PHACTR2: variants seen among roughly 807,000 people sequenced by gnomAD.
The protein encoded by PHACTR2 is chromosome 6 open reading frame 56.
In PHACTR2, 30 loss-of-function variants were observed where a neutral mutation model predicts 76.0. The observed-to-expected ratio is 0.39, with a 90% CI of 0.30 to 0.54. The LOEUF is 0.54. PHACTR2 is among the 20% of genes least tolerant of loss of function. PHACTR2 has a pLI of 0.61. For missense variants in PHACTR2, 696 were observed against 781.1 expected, an observed-to-expected ratio of 0.89 and a Z score of 1.30; for synonymous variants, 292 against 292.5, an observed-to-expected ratio of 1.00 and a Z score of 0.02.
chr6:143,603,446 A>G (rs1775835784), upstream of PHACTR2, among the ~76,000 whole-genome samples: 1 of 151,782 alleles, frequency 6.6e-6, no homozygotes, highest in Admixed American at 6.6e-5. Flanking sequence ...GGCACACTCC[A>G]AGGACCATGA....
At chr6:143,630,295 A>G (rs939264734) in intron 1 of PHACTR2, among the ~76,000 whole-genome samples, 2 of 130,346 alleles carry the variant, frequency 1.5e-5, no homozygotes, top group Non-Finnish European at 3.6e-5. Flanking sequence ...AAGCTATAGT[A>G]AGGCATATTC....
In PHACTR2 at chr6:143,656,557, T is replaced by C. The variant is rs543172766; in HGVS notation, c.13+48235T>C. ...CAGGTTGGGCAAGTTTGGTCTATGA[T>C]TTTATAATCTGATCTAGTATTCTCT... On this transcript the variant is annotated intron_variant, in intron 1 of 11. Coordinates refer to the PHACTR2 transcript ENST00000305766. The surrounding 1 kb of genome is among the most constrained non-coding windows in gnomAD (Gnocchi z 5.3). 6.6e-6 allele frequency among the ~76,000 whole-genome samples: 1 copy of C among 152,258 alleles called. No homozygotes were observed. Among genetic ancestry groups the C allele is most frequent in the Admixed American group, 6.5e-5 (1 of 15,290 alleles).
chr6:143,593,335 G>T (rs1479171671), intron 1 of PHACTR2, among the ~76,000 whole-genome samples: 1 of 152,008 alleles, frequency 6.6e-6, no homozygotes. Flanking sequence ...GGAAACACAG[G>T]GGGTGTCTAA....
Position 143,731,019 on chromosome 6 carries a change from A to G in PHACTR2, c.215-17966A>G, listed in dbSNP as rs1562285577. Among the ~76,000 whole-genome samples, 1 of 151,972 alleles carries G rather than the reference A, an allele frequency of 6.6e-6. No homozygotes were observed. Among genetic ancestry groups the G allele is most frequent in the East Asian group, 1.9e-4 (1 of 5,178 alleles). On this transcript the variant is annotated intron_variant, in intron 2 of 12. Coordinates refer to ENST00000440869, the MANE Select transcript of PHACTR2 (RefSeq NM_001100164.2). The surrounding 1 kb of genome is among the most constrained non-coding windows in gnomAD (Gnocchi z 4.9). ...TGCCTCAGCCTTCAAAAGTGCTGAGATTACAGGCGTGAGCCACCACGTCCA... is the reference window on the plus strand; with the variant it reads ...TGCCTCAGCCTTCAAAAGTGCTGAGGTTACAGGCGTGAGCCACCACGTCCA...
chr6:143,632,927 C>A (rs761552419), intron 1 of PHACTR2, among the ~76,000 whole-genome samples: 3 of 152,158 alleles, frequency 2.0e-5, no homozygotes, highest in African/African-American at 7.2e-5. Flanking sequence ...TGTCTTTTCA[C>A]GTCTTGATAG....
chr6:143,788,134 T>C (rs1775595451), intron 10 of PHACTR2, among the ~76,000 whole-genome samples: 1 of 152,204 alleles, frequency 6.6e-6, no homozygotes, highest in Non-Finnish European at 1.5e-5. Context: ...TTGGAGTTGA[T>C]TTTAAGCAGT....
upstream of PHACTR2, among the ~76,000 whole-genome samples, chr6:143,677,295 T>G (rs1417213946): frequency 6.6e-6 from 1 of 151,774 alleles, no homozygotes; most frequent in Non-Finnish European, 1.5e-5. Context: ...TATTTATTTG[T>G]ATTCATATTT....
chr6:143,823,249 A>G lies in PHACTR2; in HGVS notation c.1923-425A>G, dbSNP rs534341512. 6.6e-6 allele frequency among the ~76,000 whole-genome samples: 1 copy of G among 152,326 alleles called. No homozygotes were observed. Among genetic ancestry groups the G allele is most frequent in the South Asian group, 2.1e-4 (1 of 4,830 alleles). Reference sequence around the variant, plus strand: ...TTGGAGTCGTCAGCAGGAGATGATGAGAGGCTGAAGCTAATGAAAAAGTGT... The same window carrying G: ...TTGGAGTCGTCAGCAGGAGATGATGGGAGGCTGAAGCTAATGAAAAAGTGT... On this transcript the variant is annotated intron_variant, in intron 12 of 12. Transcript: ENST00000440869. This position sits in a 1 kb window ranked among gnomAD's most constrained non-coding sequence, Gnocchi z 5.7.
rs1033525902 is a variant in PHACTR2 at position 143,795,871 on chromosome 6, C to T, written c.1845+6961C>T. Among the ~76,000 whole-genome samples, 5 of 152,160 alleles carry T rather than the reference C, an allele frequency of 3.3e-5. No homozygotes were observed. Among genetic ancestry groups the T allele is most frequent in the Admixed American group, 1.3e-4 (2 of 15,270 alleles). ...CTATTACCAATATTATACTCATAGTCAGGGATGAGAAGCCAAGCTTTGTTC... is the reference window on the plus strand; with the variant it reads ...CTATTACCAATATTATACTCATAGTTAGGGATGAGAAGCCAAGCTTTGTTC... On this transcript the variant is annotated intron_variant, in intron 11 of 12. Coordinates refer to ENST00000440869, the MANE Select transcript of PHACTR2 (RefSeq NM_001100164.2). This position sits in a 1 kb window ranked among gnomAD's most constrained non-coding sequence, Gnocchi z 4.8.
chr6:143,584,373 G>C (rs1445911672), intron 1 of PHACTR2, among the ~76,000 whole-genome samples: 1 of 152,202 alleles, frequency 6.6e-6, no homozygotes, highest in African/African-American at 2.4e-5. Flanking sequence ...ATTGGGCTTA[G>C]CTACTCAGGG....
At chr6:143,799,210 TTC>T (rs1775898147) in intron 11 of PHACTR2, among the ~76,000 whole-genome samples, 1 of 152,230 alleles carries the variant, frequency 6.6e-6, no homozygotes, top group South Asian at 2.1e-4. Flanking sequence ...TAGTTTGTGT[TTC>T]TGTGGGATCA....
intron 1 of PHACTR2, among the ~76,000 whole-genome samples, chr6:143,649,261 A>C (rs1241316437): frequency 6.6e-6 from 1 of 152,190 alleles, no homozygotes; most frequent in Admixed American, 6.5e-5. Flanking sequence ...AAACAGCACA[A>C]ATCAGAGAAA....
chr6:143,572,376 T>C (rs1205469917), intron 1 of PHACTR2, among the ~76,000 whole-genome samples: 1 of 152,212 alleles, frequency 6.6e-6, no homozygotes, highest in Non-Finnish European at 1.5e-5. Context: ...AACCTGAAAG[T>C]TTCTTGACCA....
chr6:143,626,392 C>A (rs113912628), intron 1 of PHACTR2, among the ~76,000 whole-genome samples: 55 of 152,122 alleles, frequency 3.6e-4, no homozygotes, highest in Middle Eastern at 3.4e-3. Context: ...AAAAAATTAG[C>A]CGGGCGCGGT....
Position 143,783,303 on chromosome 6 carries a change from T to G in PHACTR2, c.1707+23T>G. Reference sequence around the variant, plus strand: ...AAGGTAATGAAATCATAACTATTAATGAGCATATGTGTTTTGAGATATACT... The same window carrying G: ...AAGGTAATGAAATCATAACTATTAAGGAGCATATGTGTTTTGAGATATACT... On this transcript the variant is annotated intron_variant, in intron 10 of 12. Transcript: ENST00000440869. The surrounding 1 kb of genome is among the most constrained non-coding windows in gnomAD (Gnocchi z 5.2). The G allele has an allele frequency of 6.9e-7, 1 of 1,439,714 alleles. No individual in the cohort carries two copies. Among genetic ancestry groups the G allele is most frequent in the Non-Finnish European group, 9.8e-7 (1 of 1,023,698 alleles). The allele number at this position is 1,439,714 out of a possible 1,614,324, so 89.2% of individuals were successfully genotyped here. A position where few individuals can be genotyped will look rare whatever the true frequency, so the allele number is the denominator to read the frequency against.
intron 1 of PHACTR2, among the ~76,000 whole-genome samples, chr6:143,593,975 A>T (rs1775721674): frequency 6.6e-6 from 1 of 152,216 alleles, no homozygotes; most frequent in Non-Finnish European, 1.5e-5. Context: ...TTTTTAAAAG[A>T]ATATTCCAGT....
intron 1 of PHACTR2, among the ~76,000 whole-genome samples, chr6:143,693,755 A>C (rs1777705171): frequency 6.6e-6 from 1 of 152,202 alleles, no homozygotes; most frequent in East Asian, 1.9e-4. Context: ...GGAGGCATTG[A>C]AGGTGATTTT....
Position 143,634,090 on chromosome 6 carries a change from G to A in PHACTR2, c.13+25768G>A, listed in dbSNP as rs1197288319. ...CAACAGGGAAGTAAAATAATCTCATGTAGAAAATGGCCTAGAAAATGTTAA... is the reference window on the plus strand; with the variant it reads ...CAACAGGGAAGTAAAATAATCTCATATAGAAAATGGCCTAGAAAATGTTAA... On this transcript the variant is annotated intron_variant, in intron 1 of 11. Coordinates refer to the PHACTR2 transcript ENST00000305766. 1.1e-4 allele frequency among the ~76,000 whole-genome samples: 17 copies of A among 152,146 alleles called. No individual in the cohort carries two copies. In the East Asian group the frequency reaches 3.3e-3, roughly 29 times the overall value.
chr6:143,565,959 G>A (rs1270197282), intron 1 of PHACTR2, among the ~76,000 whole-genome samples: 3 of 152,078 alleles, frequency 2.0e-5, no homozygotes, highest in Non-Finnish European at 4.4e-5. Context: ...GAAATAGAGG[G>A]TAGGGGCATG....
Sources: gnomAD v4.1 joint callset for allele counts (sites outside exome capture counted in the v4.1 genomes callset) on GRCh38, gnomAD v4.1.1 for gene constraint, Gnocchi (gnomAD v3.1) non-coding constraint, MANE v1.5 for transcripts, NCBI Gene and HGNC (gene_info 2026-07-23, HGNC 2026-07-21) for gene names.